The following SLC13A3 variants were observed in gnomAD, a reference collection of about 807,000 sequenced individuals.
SLC13A3 encodes solute carrier family 13 member 3, also known as Na(+)/dicarboxylate cotransporter 3.
A neutral mutation model predicts 59.0 loss-of-function variants in SLC13A3; 40 were observed. The ratio of observed to expected loss-of-function variants is 0.68; its 90% CI spans 0.53 to 0.88. The LOEUF is 0.88. SLC13A3 is among the 40% of genes least tolerant of loss of function. The probability of loss-of-function intolerance (pLI) is 0.00; values close to 1 mark genes in which losing one functional copy is unlikely to be tolerated. For synonymous variants in SLC13A3, 317 were observed against 330.3 expected, an observed-to-expected ratio of 0.96 and a Z score of 0.44; for missense variants, 699 against 783.2, an observed-to-expected ratio of 0.89 and a Z score of 1.28.
At chr20:46,569,429 G>A (rs186909151) in intron 10 of SLC13A3, among the ~76,000 whole-genome samples, 3 of 152,180 alleles carry the variant, frequency 2.0e-5, no homozygotes, top group East Asian at 3.9e-4. Context: ...AAGGGGCTCT[G>A]GAGTCAGACT....
intron 12 of SLC13A3, among the ~76,000 whole-genome samples, chr20:46,562,301 C>T (rs2061938069): frequency 6.6e-6 from 1 of 152,188 alleles, no homozygotes; most frequent in African/African-American, 2.4e-5. Context: ...CATCCTTCTC[C>T]AACTCCACTG....
At position 46,557,867 on chromosome 20, in the gene SLC13A3, G is replaced by A. The variant is rs2061898482; in HGVS notation, c.*2155C>T. 1 of 152,184 alleles carries A rather than the reference G, an allele frequency of 6.6e-6. No individual in the cohort carries two copies. Among genetic ancestry groups the A allele is most frequent in the South Asian group, 2.1e-4 (1 of 4,828 alleles). 9.4% of individuals were successfully genotyped at this position (152,184 alleles called of 1,614,324 possible). ...TTATTGAATGAATAAATGGAAGAAGGAGTGAACAAAGTAATGAACAAAACA... is the reference window on the plus strand; with the variant it reads ...TTATTGAATGAATAAATGGAAGAAGAAGTGAACAAAGTAATGAACAAAACA... On this transcript the variant is annotated 3_prime_UTR_variant, in exon 13 of 13. Transcript: ENST00000279027.
upstream of SLC13A3, among the ~76,000 whole-genome samples, chr20:46,655,818 C>A (rs958774936): frequency 5.1e-5 from 7 of 137,844 alleles, no homozygotes; most frequent in Admixed American, 1.5e-4. Flanking sequence ...ACTGTATATA[C>A]TATATATACT....
chr20:46,655,393 T>C (rs945895979), upstream of SLC13A3, among the ~76,000 whole-genome samples: 1 of 149,912 alleles, frequency 6.7e-6, no homozygotes, highest in Admixed American at 6.7e-5. Context: ...GAGGTTTAAT[T>C]AGCTCATGGT....
chr20:46,572,924 G>C (rs2062042986), intron 10 of SLC13A3, among the ~76,000 whole-genome samples: 1 of 152,064 alleles, frequency 6.6e-6, no homozygotes, highest in Admixed American at 6.5e-5. Context: ...ACTTCCTTCA[G>C]GAAGCCTTCC....
chr20:46,590,247 T>C (rs1213360318), intron 6 of SLC13A3, among the ~76,000 whole-genome samples: 3 of 152,066 alleles, frequency 2.0e-5, no homozygotes, highest in Admixed American at 6.5e-5. Context: ...AGAAAACATA[T>C]GATTATTCTT....
At chr20:46,673,629 C>G (rs1034990750), upstream of SLC13A3, 3 of 152,252 alleles carry the variant, frequency 2.0e-5, no homozygotes, top group Non-Finnish European at 4.4e-5. Context: ...ACCTCCTGAT[C>G]TAAGGAAACG....
intron 1 of SLC13A3, among the ~76,000 whole-genome samples, chr20:46,632,898 T>C (rs371918848): frequency 0.083 from 6,133 of 73,544 alleles, 241 homozygotes; most frequent in East Asian, 0.19. Flanking sequence ...GATAGATAGA[T>C]AGATAGATAG....
At position 46,591,011 on chromosome 20, in the gene SLC13A3, G is replaced by A. The variant is rs1287407558; in HGVS notation, c.920+1393C>T. ...CTCTCTCTACCAAAAAAAAAAAAAG[G>A]CACAAAAAATTAGCTGGGCAAGGTG... is the stretch of plus-strand genomic sequence containing the variant. On this transcript the variant is annotated intron_variant, in intron 6 of 12. Transcript: ENST00000279027. Among the ~76,000 whole-genome samples the A allele has an allele frequency of 2.0e-5, 3 of 149,810 alleles. 1 individual carries two copies. Among genetic ancestry groups the A allele is most frequent in the Admixed American group, 2.0e-4 (3 of 15,044 alleles).
In SLC13A3 at chr20:46,668,397, A is replaced by G. The variant is rs530323315; in HGVS notation, c.-31+1646T>C. On this transcript the variant is annotated intron_variant, in intron 1 of 12. Transcript: ENST00000290317. ...AGGGAGAAAGTTTTAGTAGTCTAAC[A>G]TAGAAGATCAAACCAGCCACAACAT... Among the ~76,000 whole-genome samples the G allele has an allele frequency of 3.3e-5, 5 of 152,378 alleles. No individual in the cohort carries two copies. In the East Asian group the frequency reaches 9.6e-4, roughly 29 times the overall value.
chr20:46,568,717 T>A (rs2062003618), intron 10 of SLC13A3, among the ~76,000 whole-genome samples: 1 of 151,728 alleles, frequency 6.6e-6, no homozygotes. Context: ...TGGCAAAGAG[T>A]CTGACCTGAC....
At chr20:46,571,533 C>T (rs1316279378) in intron 10 of SLC13A3, among the ~76,000 whole-genome samples, 1 of 152,138 alleles carries the variant, frequency 6.6e-6, no homozygotes, top group Non-Finnish European at 1.5e-5. Flanking sequence ...CAAAGCAGCC[C>T]ATCTTGTAGG....
chr20:46,663,807 T>G (rs2063046326), intron 1 of SLC13A3, among the ~76,000 whole-genome samples: 1 of 152,208 alleles, frequency 6.6e-6, no homozygotes, highest in African/African-American at 2.4e-5. Context: ...AGAGTCCACA[T>G]GCGTAACCAA....
intron 2 of SLC13A3, among the ~76,000 whole-genome samples, chr20:46,611,218 C>A (rs181496834): frequency 1.3e-5 from 2 of 152,296 alleles, no homozygotes; most frequent in Admixed American, 1.3e-4. Flanking sequence ...ATTGGAAAAT[C>A]CTTCCTTCGG....
At chr20:46,575,728 G>T in intron 9 of SLC13A3, 43 bp from the exon 10 acceptor site, 2 of 1,298,756 alleles carry the variant, frequency 1.5e-6, no homozygotes, top group Non-Finnish European at 2.1e-6. Flanking sequence ...GGGCCGCTCA[G>T]CCTGAGGCAG....
intron 3 of SLC13A3, among the ~76,000 whole-genome samples, chr20:46,600,257 G>GAAGGAAGGGAAAGGAAAGGA (rs1555878096): frequency 7.9e-6 from 1 of 125,852 alleles, no homozygotes; most frequent in Non-Finnish European, 1.7e-5. Context: ...ATGGAGGAAG[G>GAAGGAAGGGAAAGGAAAGGA]AAGGAAAGGA....
chr20:46,583,231 T>C, intron 9 of SLC13A3: 1 of 560,704 alleles, frequency 1.8e-6, no homozygotes, highest in Non-Finnish European at 2.3e-6. Context: ...ACATGGACAC[T>C]GAAATTTAGA....
At chr20:46,664,400 T>C (rs2063050410) in intron 1 of SLC13A3, among the ~76,000 whole-genome samples, 1 of 152,230 alleles carries the variant, frequency 6.6e-6, no homozygotes. Flanking sequence ...CAATGTTTAC[T>C]TAACTATTAA....
upstream of SLC13A3, among the ~76,000 whole-genome samples, chr20:46,671,156 C>G (rs544463623): frequency 4.6e-4 from 70 of 152,250 alleles, 1 homozygote; most frequent in East Asian, 3.9e-4. Context: ...ATTGCCTCAG[C>G]AAACAGTGCC....
Sources: gnomAD v4.1 joint callset for allele counts (sites outside exome capture counted in the v4.1 genomes callset) on GRCh38, gnomAD v4.1.1 for gene constraint, MANE v1.5 for transcripts, NCBI Gene and HGNC (gene_info 2026-07-23, HGNC 2026-07-21) for gene names.